Variants in CCDC3 observed in about 807,000 individuals in gnomAD.
The protein encoded by CCDC3 is coiled-coil domain-containing protein 3.
A neutral mutation model predicts 21.4 loss-of-function variants in CCDC3; 24 were observed. That is an observed-to-expected ratio of 1.12 (90% CI 0.81 to 1.58). The LOEUF is 1.58. CCDC3 is among the 40% of genes most tolerant of loss of function. The pLI is 0.00. For synonymous variants in CCDC3, 186 were observed against 166.0 expected, an observed-to-expected ratio of 1.12 and a Z score of -0.93; for missense variants, 425 against 360.9, an observed-to-expected ratio of 1.18 and a Z score of -1.44.
intron 4 of CCDC3, among the ~76,000 whole-genome samples, chr10:13,054,126 CAGAGAGAGAG>C (rs71386142): frequency 7.9e-6 from 1 of 127,210 alleles, no homozygotes; most frequent in Non-Finnish European, 1.6e-5. Flanking sequence ...GCCTGGGTGA[CAGAGAGAGAG>C]AGAGAGAGAC....
At chr10:12,982,282 G>C (rs1278637872) in intron 2 of CCDC3, among the ~76,000 whole-genome samples, 1 of 151,928 alleles carries the variant, frequency 6.6e-6, no homozygotes, top group African/African-American at 2.4e-5. Flanking sequence ...CTTATATAAG[G>C]GATCTCAAGC....
chr10:13,074,128 A>AATATATATAT (rs1271921492), intron 3 of CCDC3: 2 of 103,296 alleles, frequency 1.9e-5, no homozygotes, highest in Admixed American at 1.1e-4. Flanking sequence ...AGAGGAATCA[A>AATATATATAT]ATATATATAT....
At chr10:12,991,302 G>GTTT (rs933425187) in intron 2 of CCDC3, among the ~76,000 whole-genome samples, 1 of 140,766 alleles carries the variant, frequency 7.1e-6, no homozygotes, top group Non-Finnish European at 1.5e-5. Flanking sequence ...TTGAACATAT[G>GTTT]TTTTTTTTGT....
At chr10:13,057,508 T>C (rs774728170) in intron 4 of CCDC3, among the ~76,000 whole-genome samples, 2 of 152,246 alleles carry the variant, frequency 1.3e-5, no homozygotes, top group Admixed American at 1.3e-4. Context: ...AATTTCCACA[T>C]CAGAATCATC....
intron 4 of CCDC3, among the ~76,000 whole-genome samples, chr10:13,068,019 T>C (rs1346899322): frequency 1.3e-5 from 2 of 152,180 alleles, no homozygotes; most frequent in Admixed American, 6.5e-5. Context: ...TCACTCTTAA[T>C]GTATGCATGA....
At chr10:12,905,243 G>C (rs1289410889) in intron 2 of CCDC3, among the ~76,000 whole-genome samples, 1 of 152,198 alleles carries the variant, frequency 6.6e-6, no homozygotes, top group Non-Finnish European at 1.5e-5. Context: ...CCCCCTGCCT[G>C]TTTTTGTGAA....
intron 2 of CCDC3, among the ~76,000 whole-genome samples, chr10:12,923,902 C>T (rs572160282): frequency 1.3e-5 from 2 of 152,368 alleles, no homozygotes; most frequent in African/African-American, 4.8e-5. Context: ...GAACTCGACA[C>T]TCCAACCCTG....
chr10:12,949,631 A>G (rs2131246884), intron 2 of CCDC3, among the ~76,000 whole-genome samples: 1 of 152,308 alleles, frequency 6.6e-6, no homozygotes, highest in African/African-American at 2.4e-5. Flanking sequence ...AAGATACATA[A>G]CTGCCTTGCT....
chr10:12,947,154 T>G (rs11258075), intron 2 of CCDC3, among the ~76,000 whole-genome samples: 27,979 of 151,624 alleles, frequency 0.18, 2,912 homozygotes, highest in East Asian at 0.43. Context: ...TTTTTTTTTT[T>G]TTTGTTTTTT....
At chr10:12,956,222 G>T (rs555602319) in intron 2 of CCDC3, among the ~76,000 whole-genome samples, 3 of 152,158 alleles carry the variant, frequency 2.0e-5, no homozygotes, top group Non-Finnish European at 4.4e-5. Flanking sequence ...AGCCCAAGAA[G>T]AAATGAAAAG....
At chr10:13,055,121 G>A (rs1836664451) in intron 4 of CCDC3, among the ~76,000 whole-genome samples, 1 of 152,200 alleles carries the variant, frequency 6.6e-6, no homozygotes, top group Non-Finnish European at 1.5e-5. Context: ...ATGCCAAGCA[G>A]GTGGTGCTGG....
intron 2 of CCDC3, among the ~76,000 whole-genome samples, chr10:12,959,748 G>A (rs1835150287): frequency 6.6e-6 from 1 of 152,138 alleles, no homozygotes; most frequent in African/African-American, 2.4e-5. Flanking sequence ...TGGATCTCAT[G>A]GCTGGTCAAA....
At chr10:12,927,958 G>A (rs1834572285) in intron 2 of CCDC3, among the ~76,000 whole-genome samples, 1 of 152,220 alleles carries the variant, frequency 6.6e-6, no homozygotes, top group South Asian at 2.1e-4. Context: ...GGCCCCCTGG[G>A]TAACAGATGA....
At chr10:12,940,345 T>C (rs1381742049) in intron 2 of CCDC3, among the ~76,000 whole-genome samples, 1 of 151,900 alleles carries the variant, frequency 6.6e-6, no homozygotes, top group Non-Finnish European at 1.5e-5. Flanking sequence ...TTCAAGTATA[T>C]TATTGGTGCA....
At position 13,001,544 on chromosome 10, in the gene CCDC3, C is replaced by T; in HGVS notation, c.27G>A (p.Ala9=). 8 of 1,272,368 alleles carry T rather than the reference C, an allele frequency of 6.3e-6. No homozygotes were observed. Among genetic ancestry groups the T allele is most frequent in the Non-Finnish European group, 7.9e-6 (8 of 1,010,842 alleles). The allele number at this position is 1,272,368 out of a possible 1,614,324, so 78.8% of individuals were successfully genotyped here. A position where few individuals can be genotyped will look rare whatever the true frequency, so the allele number is the denominator to read the frequency against. Residue 9 remains alanine, a synonymous_variant, in exon 1 of 3, where the codon GCG becomes GCA. Coordinates refer to ENST00000378825, the MANE Select transcript of CCDC3 (RefSeq NM_031455.4). MLRQLLLA[A]LCLAGPPAPA... Reference sequence around the variant, plus strand: ...GCGCTGGGGGACCCGCCAGGCAGAGCGCGGCGAGCAGCAGCTGGCGCAGCA... The same window carrying T: ...GCGCTGGGGGACCCGCCAGGCAGAGTGCGGCGAGCAGCAGCTGGCGCAGCA...
At chr10:12,963,257 C>T (rs1363242383) in intron 2 of CCDC3, among the ~76,000 whole-genome samples, 11 of 152,204 alleles carry the variant, frequency 7.2e-5, no homozygotes. Flanking sequence ...CACTCCATCT[C>T]CTCTTTGCTT....
At chr10:13,084,305 G>T (rs1251153) in intron 3 of CCDC3, among the ~76,000 whole-genome samples, 2,109 of 128,420 alleles carry the variant, frequency 0.016, 63 homozygotes, top group African/African-American at 0.061. Flanking sequence ...TTTTTTTTGA[G>T]ACAGCATTTC....
At chr10:13,050,861 A>G (rs888175946) in intron 4 of CCDC3, among the ~76,000 whole-genome samples, 1 of 152,044 alleles carries the variant, frequency 6.6e-6, no homozygotes, top group African/African-American at 2.4e-5. Context: ...ATCACAGCTC[A>G]TTGCAGCCTC....
chr10:12,923,399 G>C (rs1174388259), intron 2 of CCDC3, among the ~76,000 whole-genome samples: 2 of 152,120 alleles, frequency 1.3e-5, no homozygotes, highest in East Asian at 3.8e-4. Context: ...CATTACTTCT[G>C]AGTCTTTATT....
Sources: gnomAD v4.1 joint callset for allele counts (sites outside exome capture counted in the v4.1 genomes callset) on GRCh38, gnomAD v4.1.1 for gene constraint, MANE v1.5 for transcripts, NCBI Gene and HGNC (gene_info 2026-07-23, HGNC 2026-07-21) for gene names.